Variants in COMT observed in about 807,000 individuals in gnomAD.
COMT encodes catechol-O-methyltransferase.
Under a neutral mutation model 18.9 loss-of-function variants are expected in COMT, and 13 were observed. The ratio of observed to expected loss-of-function variants is 0.69; its 90% CI spans 0.45 to 1.09. COMT has a LOEUF of 1.09. Among genes scored for constraint, COMT ranks in the 50% least tolerant of loss-of-function variants. The pLI is 0.00. For missense variants in COMT, 329 were observed against 361.8 expected (o/e 0.91, Z 0.73); for synonymous variants, 150 against 160.9 (o/e 0.93, Z 0.51).
At chr22:19,946,959 A>C (rs1941847924) in intron 1 of COMT, among the ~76,000 whole-genome samples, 1 of 127,312 alleles carries the variant, frequency 7.9e-6, no homozygotes, top group Admixed American at 1.0e-4. Flanking sequence ...TGTGTTGCTC[A>C]GGCTGGAGTG....
intron 1 of COMT, among the ~76,000 whole-genome samples, chr22:19,948,954 CAAAAAA>C (rs71186636): frequency 0.32 from 27,211 of 86,382 alleles, 2,737 homozygotes; most frequent in African/African-American, 0.42. Flanking sequence ...GACTCTGTCT[CAAAAAA>C]AAAAAAAAAA....
rs969709060 is a variant in COMT at position 19,941,912 on chromosome 22, T to C, written c.-92+15T>C. On this transcript the variant is annotated intron_variant, in intron 1 of 5. Transcript: ENST00000361682. ...TCGCGGGAGAGGTGAGAGCGCTGGC[T>C]AGACCGGGGCCGAATGCGGCCGGAT... is the stretch of plus-strand genomic sequence containing the variant. 1.7e-6 allele frequency: 2 copies of C among 1,201,434 alleles called. No individual in the cohort carries two copies. Among genetic ancestry groups the C allele is most frequent in the Non-Finnish European group, 2.2e-6 (2 of 925,906 alleles). The allele number at this position is 1,201,434 out of a possible 1,614,324, so 74.4% of individuals were successfully genotyped here.
rs769605719 is a variant in COMT, at chr22:19,968,756, C to G, written c.*20C>G. 1 of 1,601,248 alleles carries G rather than the reference C, an allele frequency of 6.2e-7. No homozygotes were observed. The highest frequency in any genetic ancestry group is 8.5e-7 in the Non-Finnish European group (1 of 1,176,926). ...CCCTGACTGCCCCCCCGGCCCCCCT[C>G]TCGGGCTCTCTCACCCAGCCTGGTA... On this transcript the variant is annotated 3_prime_UTR_variant, in exon 6 of 6. Transcript: ENST00000361682.
rs1487540834 is a variant in COMT at position 19,965,352 on chromosome 22, T to C, written c.615+1053T>C. 2.6e-5 allele frequency: 4 copies of C among 151,930 alleles called. No homozygotes were observed. The East Asian group carries it at 7.7e-4, about 29-fold the overall frequency. The allele number at this position is 151,930 out of a possible 1,614,324, so 9.4% of individuals were successfully genotyped here. A position where few individuals can be genotyped will look rare whatever the true frequency, so the allele number is the denominator to read the frequency against. Reference sequence around the variant, plus strand: ...AACATGGCAAAAGAAAAAATATATATATATATTTTAGATGGAGTCTTGCTC... The same window carrying C: ...AACATGGCAAAAGAAAAAATATATACATATATTTTAGATGGAGTCTTGCTC... On this transcript the variant is annotated intron_variant, in intron 5 of 5. Coordinates refer to ENST00000361682, the MANE Select transcript of COMT (RefSeq NM_000754.4).
chr22:19,954,162 T>C (rs946695880), intron 1 of COMT, among the ~76,000 whole-genome samples: 2 of 146,484 alleles, frequency 1.4e-5, no homozygotes, highest in African/African-American at 5.1e-5. Context: ...GCACCTGGCT[T>C]GAAGCAGGTG....
At chr22:19,950,987 C>T (rs1437876027) in intron 1 of COMT, 5 of 152,212 alleles carry the variant, frequency 3.3e-5, no homozygotes, top group Non-Finnish European at 7.3e-5. Context: ...GACAGCTCCA[C>T]CAGGAGTCAG....
chr22:19,942,223 A>T (rs1480085218), intron 1 of COMT, among the ~76,000 whole-genome samples: 1 of 152,204 alleles, frequency 6.6e-6, no homozygotes, highest in East Asian at 1.9e-4. Flanking sequence ...GACCAGGAGG[A>T]TAAGCCTCTC....
intron 1 of COMT, among the ~76,000 whole-genome samples, 196 bp from the exon 2 acceptor site, chr22:19,961,003 A>C (rs1384642119): frequency 6.6e-6 from 1 of 152,152 alleles, no homozygotes; most frequent in Non-Finnish European, 1.5e-5. Flanking sequence ...ACTAGTAGGG[A>C]TGTCCCTTGG....
chr22:19,962,469 G>T, intron 2 of COMT, 58 bp from the exon 3 acceptor site: 3 of 1,551,296 alleles, frequency 1.9e-6, no homozygotes, highest in Non-Finnish European at 2.6e-6. Flanking sequence ...GCAAAGGGGC[G>T]TGTGGGTGCT....
At chr22:19,959,041 G>C (rs886423652) in intron 1 of COMT, among the ~76,000 whole-genome samples, 1 of 152,124 alleles carries the variant, frequency 6.6e-6, no homozygotes, top group South Asian at 2.1e-4. Flanking sequence ...GACTCTTGAC[G>C]CTCCCCAGAC....
At chr22:19,959,904 C>T (rs1942155345) in intron 1 of COMT, among the ~76,000 whole-genome samples, 1 of 152,046 alleles carries the variant, frequency 6.6e-6, no homozygotes, top group African/African-American at 2.4e-5. Flanking sequence ...CAGTTGGCCA[C>T]AGAGCCGCGG....
rs1031651001 is a variant in COMT, at chr22:19,969,801, AC to A, written c.*1067del. The A allele has an allele frequency of 3.0e-4, 293 of 978,334 alleles. No homozygotes were observed. The highest frequency in any genetic ancestry group is 3.3e-4 in the Non-Finnish European group (275 of 823,608). 60.6% of individuals were successfully genotyped at this position (978,334 alleles called of 1,614,324 possible). On this transcript the variant is annotated 3_prime_UTR_variant, in exon 6 of 6. Coordinates refer to ENST00000361682, the MANE Select transcript of COMT (RefSeq NM_000754.4). ...ACACAGCAGATGGGCACCTGGGACC[AC>A]CTCCACCCAGGGCCCTGCCCCAGAC...
Position 19,969,958 on chromosome 22 carries a change from ATTT to A in COMT, c.*1224_*1226del, listed in dbSNP as rs1446739041. ...AATTTAGGTGTTTACCAATAGTCTT[ATTT>A]TGGCTTATTTTTAATGCTTTTTCTC... On this transcript the variant is annotated 3_prime_UTR_variant, in exon 6 of 6. Transcript: ENST00000361682. The A allele has an allele frequency of 1.0e-6, 1 of 985,408 alleles. No homozygotes were observed. The highest frequency in any genetic ancestry group is 1.7e-5 in the African/African-American group (1 of 57,212). 61.0% of individuals were successfully genotyped at this position (985,408 alleles called of 1,614,324 possible). A position where few individuals can be genotyped will look rare whatever the true frequency, so the allele number is the denominator to read the frequency against.
chr22:19,964,833 C>T (rs907188281), intron 5 of COMT: 13 of 291,838 alleles, frequency 4.5e-5, no homozygotes, highest in Non-Finnish European at 6.6e-5. Context: ...CCCTGGGGGG[C>T]GTGGGGCACT....
chr22:19,954,555 C>T (rs1037327503), intron 1 of COMT, among the ~76,000 whole-genome samples: 20 of 152,162 alleles, frequency 1.3e-4, no homozygotes, highest in Non-Finnish European at 7.3e-5. Context: ...CGAGTTCTAG[C>T]GATTCTCCTG....
In COMT at chr22:19,941,885, C is replaced by G; in HGVS notation, c.-104C>G. ...GGGGCGGGTCCAGTCCCGGGCGGGC[C>G]GTCGCGGGAGAGGTGAGAGCGCTGG... On this transcript the variant is annotated 5_prime_UTR_variant, in exon 1 of 6. Transcript: ENST00000361682. 1 of 1,364,622 alleles carries G rather than the reference C, an allele frequency of 7.3e-7. No homozygotes were observed. Among genetic ancestry groups the G allele is most frequent in the Non-Finnish European group, 9.4e-7 (1 of 1,059,732 alleles). 84.5% of individuals were successfully genotyped at this position (1,364,622 alleles called of 1,614,324 possible).
At chr22:19,966,437 A>T (rs1019466922) in intron 5 of COMT, among the ~76,000 whole-genome samples, 99 of 3,056 alleles carry the variant, frequency 0.032, no homozygotes, top group African/African-American at 0.15. Context: ...GTTCCCCCTT[A>T]AAAAAAAAAA....
Position 19,941,882 on chromosome 22 carries a change from G to A in COMT, c.-107G>A, listed in dbSNP as rs1941736466. On this transcript the variant is annotated 5_prime_UTR_variant, in exon 1 of 6. Transcript: ENST00000361682. ...ACCGGGGCGGGTCCAGTCCCGGGCGGGCCGTCGCGGGAGAGGTGAGAGCGC... is the reference window on the plus strand; with the variant it reads ...ACCGGGGCGGGTCCAGTCCCGGGCGAGCCGTCGCGGGAGAGGTGAGAGCGC... 2.2e-6 allele frequency: 3 copies of A among 1,368,020 alleles called. No individual in the cohort carries two copies. The highest frequency in any genetic ancestry group is 3.3e-5 in the South Asian group (2 of 61,506). 84.7% of individuals were successfully genotyped at this position (1,368,020 alleles called of 1,614,324 possible). A position where few individuals can be genotyped will look rare whatever the true frequency, so the allele number is the denominator to read the frequency against.
intron 5 of COMT, chr22:19,967,620 A>G (rs1490132108): frequency 3.0e-6 from 1 of 331,182 alleles, no homozygotes; most frequent in African/African-American, 2.2e-5. Context: ...CCCATCCCAG[A>G]GGCATGTGGG....
Sources: gnomAD v4.1 joint callset for allele counts (sites outside exome capture counted in the v4.1 genomes callset) on GRCh38, gnomAD v4.1.1 for gene constraint, MANE v1.5 for transcripts, NCBI Gene and HGNC (gene_info 2026-07-23, HGNC 2026-07-21) for gene names.